FBN1: variants seen among roughly 807,000 people sequenced by gnomAD.
The protein encoded by FBN1 is fibrillin 1, also known as fibrillin-1.
In FBN1, 29 loss-of-function variants were observed where a neutral mutation model predicts 365.1. The ratio of observed to expected loss-of-function variants is 0.08; its 90% CI spans 0.06 to 0.11. FBN1 has a LOEUF of 0.11. Among genes scored for constraint, FBN1 ranks in the 10% least tolerant of loss-of-function variants. The probability of loss-of-function intolerance (pLI) is 1.00; values close to 1 mark genes in which losing one functional copy is unlikely to be tolerated. For synonymous variants in FBN1, 1,210 were observed against 1,270.5 expected (o/e 0.95, Z 1.01); for missense variants, 2,476 against 3,703.2 (o/e 0.67, Z 8.60).
intron 63 of FBN1, 60 bp from the exon 64 acceptor site, chr15:48,415,827 T>A: frequency 7.0e-7 from 1 of 1,436,202 alleles, no homozygotes; most frequent in Non-Finnish European, 9.8e-7. Context: ...ATTGAGGACA[T>A]TGGATCTGGC....
intron 3 of FBN1, among the ~76,000 whole-genome samples, chr15:48,611,287 G>A (rs2044654125): frequency 6.6e-6 from 1 of 152,078 alleles, no homozygotes. Context: ...TTGAGATGGA[G>A]TCTCGCTCTG....
At chr15:48,590,394 C>G (rs1373747128) in intron 6 of FBN1, among the ~76,000 whole-genome samples, 1 of 152,190 alleles carries the variant, frequency 6.6e-6, no homozygotes, top group African/African-American at 2.4e-5. Flanking sequence ...TTAGTCCTTT[C>G]CATTCACTAG....
chr15:48,608,029 G>A (rs2044627724), intron 4 of FBN1, among the ~76,000 whole-genome samples: 3 of 152,198 alleles, frequency 2.0e-5, no homozygotes, highest in Admixed American at 2.0e-4. Context: ...AGTGTCGAGA[G>A]TTCCACCAGC....
intron 6 of FBN1, among the ~76,000 whole-genome samples, chr15:48,541,724 ACT>A (rs1470648546): frequency 6.0e-5 from 8 of 133,484 alleles, no homozygotes; most frequent in Non-Finnish European, 9.1e-5. Flanking sequence ...AAATTTACAT[ACT>A]CTTTTTTTTT....
intron 63 of FBN1, among the ~76,000 whole-genome samples, chr15:48,418,094 A>G (rs188290392): frequency 2.5e-4 from 38 of 152,356 alleles, no homozygotes; most frequent in Admixed American, 9.8e-4. Context: ...ATGGTGAGAA[A>G]TTAGAGGGAG....
chr15:48,556,887 C>T (rs1441307360), intron 6 of FBN1, among the ~76,000 whole-genome samples: 1 of 152,194 alleles, frequency 6.6e-6, no homozygotes, highest in Non-Finnish European at 1.5e-5. Flanking sequence ...TTAAAAGCAT[C>T]ACCCAGTGAG....
At chr15:48,553,979 C>T (rs2044161674) in intron 6 of FBN1, among the ~76,000 whole-genome samples, 1 of 152,148 alleles carries the variant, frequency 6.6e-6, no homozygotes, top group Admixed American at 6.6e-5. Flanking sequence ...AAGACTTTTG[C>T]TTCATTTTAT....
chr15:48,466,922 A>G (rs2043327811), intron 38 of FBN1, among the ~76,000 whole-genome samples: 1 of 151,980 alleles, frequency 6.6e-6, no homozygotes, highest in Admixed American at 6.6e-5. Context: ...ACCCTCTCCC[A>G]AGCAGAACTG....
Position 48,539,301 on chromosome 15 carries a change from T to G in FBN1, c.539-1493A>C, listed in dbSNP as rs764711272. Among the ~76,000 whole-genome samples, 40 of 152,116 alleles carry G rather than the reference T, an allele frequency of 2.6e-4. 1 individual carries two copies. The highest frequency in any genetic ancestry group is 2.4e-4 in the Non-Finnish European group (16 of 68,018). ...TGCCCATGCTGTAAGATCAACCTTCTGAAGAATTCCAAAAACAAAACTCCA... is the reference window on the plus strand; with the variant it reads ...TGCCCATGCTGTAAGATCAACCTTCGGAAGAATTCCAAAAACAAAACTCCA... On this transcript the variant is annotated intron_variant, in intron 6 of 65. Transcript: ENST00000316623.
chr15:48,539,407 G>A (rs191249665), intron 6 of FBN1, among the ~76,000 whole-genome samples: 47 of 152,244 alleles, frequency 3.1e-4, no homozygotes, highest in African/African-American at 1.0e-3. Flanking sequence ...TCCAAATGCC[G>A]AGTCCCCAGT....
intron 10 of FBN1, 22 bp downstream of exon 10, chr15:48,520,637 A>AGATAACTGG: frequency 6.2e-7 from 1 of 1,613,512 alleles, no homozygotes; most frequent in Non-Finnish European, 8.5e-7. Context: ...GATATTCTGC[A>AGATAACTGG]GATAACTGGA....
chr15:48,623,652 C>T (rs888292972), intron 2 of FBN1, among the ~76,000 whole-genome samples: 2 of 152,196 alleles, frequency 1.3e-5, no homozygotes, highest in Admixed American at 6.5e-5. Context: ...CAGCCTCATG[C>T]GGCCAATTCC....
chr15:48,550,574 T>C (rs1424731966), intron 6 of FBN1, among the ~76,000 whole-genome samples: 1 of 152,148 alleles, frequency 6.6e-6, no homozygotes, highest in Non-Finnish European at 1.5e-5. Context: ...AGTTAGACCC[T>C]AAAACGCTCT....
In FBN1 at chr15:48,452,699, G is replaced by T. The variant is rs1426894149; in HGVS notation, c.5423-15C>A. 4 of 1,613,660 alleles carry T rather than the reference G, an allele frequency of 2.5e-6. No individual in the cohort carries two copies. Among genetic ancestry groups the T allele is most frequent in the Admixed American group, 3.3e-5 (2 of 59,992 alleles). ...CTCGTCAATATCTACGAGCAGAAGA[G>T]AACTGAATTTGAAGGAGAACAGAAT... On this transcript the variant is annotated splice_polypyrimidine_tract_variant and intron_variant, in intron 44 of 65. Transcript: ENST00000316623.
chr15:48,482,720 T>C (rs2043474675), intron 31 of FBN1, among the ~76,000 whole-genome samples: 2 of 152,268 alleles, frequency 1.3e-5, no homozygotes, highest in South Asian at 4.2e-4. Context: ...AGTATTCAGA[T>C]GAGTAGTGAC....
Position 48,411,076 on chromosome 15 carries a change from G to T in FBN1, c.8530C>A (p.Gln2844Lys). 1 of 1,613,738 alleles carries T rather than the reference G, an allele frequency of 6.2e-7. No individual in the cohort carries two copies. The highest frequency in any genetic ancestry group is 1.3e-5 in the African/African-American group (1 of 74,988). Residue 2844 changes from glutamine (Q) to lysine (K), a missense_variant, in exon 66 of 66, where the codon CAA (glutamine) becomes AAA (lysine). Physicochemically the swap from Gln to Lys is moderately conservative, Grantham distance 53 (BLOSUM62 1). Transcript: ENST00000316623. Reference sequence around the variant, plus strand: ...TCTTTGTCATATTTGTCTTCTAGTTGGTTAAGTTCTTTCTTTTTATAAAGT... The same window carrying T: ...TCTTTGTCATATTTGTCTTCTAGTTTGTTAAGTTCTTTCTTTTTATAAAGT... Reference protein sequence around the residue: ...TPLYKKKELNQLEDKYDKDYL... With the variant: ...TPLYKKKELNKLEDKYDKDYL...
intron 17 of FBN1, among the ~76,000 whole-genome samples, chr15:48,499,999 T>A (rs1027865953): frequency 6.6e-6 from 1 of 152,194 alleles, no homozygotes; most frequent in Non-Finnish European, 1.5e-5. Context: ...CCTGATGACA[T>A]TGGAGGTAAA....
At chr15:48,516,966 A>G (rs973040769) in intron 10 of FBN1, among the ~76,000 whole-genome samples, 3 of 152,172 alleles carry the variant, frequency 2.0e-5, no homozygotes, top group Non-Finnish European at 4.4e-5. Context: ...TGTTCAGTGA[A>G]GTAGATTTTT....
intron 6 of FBN1, among the ~76,000 whole-genome samples, chr15:48,582,779 G>T (rs960226430): frequency 2.0e-5 from 3 of 152,144 alleles, no homozygotes; most frequent in Non-Finnish European, 4.4e-5. Context: ...TAACGTTTCT[G>T]GGGGAAAGCT....
Sources: gnomAD v4.1 joint callset for allele counts (sites outside exome capture counted in the v4.1 genomes callset) on GRCh38, gnomAD v4.1.1 for gene constraint, MANE v1.5 for transcripts, NCBI Gene and HGNC (gene_info 2026-07-23, HGNC 2026-07-21) for gene names.